Variants in MGAT4C observed in about 807,000 individuals in gnomAD.
The protein encoded by MGAT4C is MGAT4 family member C.
A neutral mutation model predicts 40.1 loss-of-function variants in MGAT4C; 19 were observed. The observed-to-expected ratio is 0.47, with a 90% CI of 0.33 to 0.70. The LOEUF (loss-of-function observed/expected upper bound fraction) is 0.70. Ranked by LOEUF, MGAT4C falls within the 30% of genes least tolerant of loss-of-function variation. The pLI is 0.02. For synonymous variants in MGAT4C, 181 were observed against 187.1 expected (o/e 0.97, Z 0.27); for missense variants, 491 against 563.2 (o/e 0.87, Z 1.30).
rs1555227855 is a variant in MGAT4C at position 86,774,368 on chromosome 12, C to CTCTCTCTT, written c.-261-47128_-261-47127insAAGAGAGA. The stretch of plus-strand genomic sequence containing the variant: ...CTCTCTCTCTCCCCTCTCTCTCTCT[C>CTCTCTCTT]TCTTTCTGTCTGTCTCTCTCTCTCT... On this transcript the variant is annotated intron_variant, in intron 1 of 7. Transcript: ENST00000548651. 5.7e-5 allele frequency among the ~76,000 whole-genome samples: 5 copies of CTCTCTCTT among 87,954 alleles called. No homozygotes were observed. The East Asian group carries it at 1.7e-3, about 30-fold the overall frequency. The allele number at this position is 87,954 out of a possible 152,430, so 57.7% of individuals were successfully genotyped here. A position where few individuals can be genotyped will look rare whatever the true frequency, so the allele number is the denominator to read the frequency against.
Position 86,806,316 on chromosome 12 carries a change from T to C in MGAT4C, c.-262+32350A>G, listed in dbSNP as rs560568186. On this transcript the variant is annotated intron_variant, in intron 1 of 7. Transcript: ENST00000548651. ...ATAGAGAGAAGACCTGTGTACACTTTATCCAGTTTCTCACAATGGTAAAAT... is the reference window on the plus strand; with the variant it reads ...ATAGAGAGAAGACCTGTGTACACTTCATCCAGTTTCTCACAATGGTAAAAT... 4.6e-5 allele frequency among the ~76,000 whole-genome samples: 7 copies of C among 152,096 alleles called. No homozygotes were observed. In the East Asian group the frequency reaches 5.8e-4, roughly 13 times the overall value.
intron 1 of MGAT4C, among the ~76,000 whole-genome samples, chr12:86,162,297 T>A (rs750554471): frequency 7.2e-5 from 11 of 152,142 alleles, no homozygotes; most frequent in Non-Finnish European, 1.5e-4. Flanking sequence ...GTGTACACCA[T>A]GGAACACTAT....
chr12:86,532,143 C>T (rs142231374), intron 2 of MGAT4C, among the ~76,000 whole-genome samples: 155 of 151,956 alleles, frequency 1.0e-3, no homozygotes, highest in African/African-American at 2.9e-3. Flanking sequence ...CTTTAAATGA[C>T]GTTAAGTGGG....
At chr12:86,226,561 A>G (rs1250419652) in intron 1 of MGAT4C, among the ~76,000 whole-genome samples, 1 of 151,916 alleles carries the variant, frequency 6.6e-6, no homozygotes, top group Non-Finnish European at 1.5e-5. Context: ...TTTTACTGAG[A>G]AAATAGGATA....
rs1473227530 is a variant in MGAT4C, at chr12:86,603,489, T to TAG, written c.-229+123719_-229+123720insCT. Among the ~76,000 whole-genome samples the TAG allele has an allele frequency of 1.5e-3, 145 of 97,962 alleles. 1 individual carries two copies. The highest frequency in any genetic ancestry group is 5.1e-3 in the African/African-American group (122 of 24,006). The allele number at this position is 97,962 out of a possible 152,430, so 64.3% of individuals were successfully genotyped here. A position where few individuals can be genotyped will look rare whatever the true frequency, so the allele number is the denominator to read the frequency against. ...TATACTATATATAGTCTATAGACTA[T>TAG]ATAATATATACTATATATAGTCTAT... On this transcript the variant is annotated intron_variant, in intron 2 of 7. Coordinates refer to the MGAT4C transcript ENST00000548651.
intron 2 of MGAT4C, among the ~76,000 whole-genome samples, chr12:86,042,938 C>G (rs1892018915): frequency 6.6e-6 from 1 of 150,624 alleles, no homozygotes; most frequent in Admixed American, 6.6e-5. Context: ...GGGTTTCTGT[C>G]AAAAAGTCTG....
chr12:86,106,653 G>C (rs2135620469), intron 1 of MGAT4C, among the ~76,000 whole-genome samples: 2 of 150,536 alleles, frequency 1.3e-5, no homozygotes, highest in South Asian at 4.2e-4. Flanking sequence ...AGGTGTATAT[G>C]GTCTTTTTTT....
At chr12:86,144,573 T>C (rs1346155790) in intron 1 of MGAT4C, among the ~76,000 whole-genome samples, 1 of 152,224 alleles carries the variant, frequency 6.6e-6, no homozygotes, top group Non-Finnish European at 1.5e-5. Context: ...ATTGTTTCCA[T>C]GAATTACAAC....
chr12:86,487,136 A>G (rs1442533178), intron 2 of MGAT4C, among the ~76,000 whole-genome samples: 1 of 152,186 alleles, frequency 6.6e-6, no homozygotes. Context: ...CAAGCAAATG[A>G]TGATTTCTTG....
Position 85,956,564 on chromosome 12 carries a change from T to C in MGAT4C, c.*22725A>G, listed in dbSNP as rs1439902476. On this transcript the variant is annotated 3_prime_UTR_variant, in exon 5 of 5. Transcript: ENST00000611864. ...AGATCATTTTTTGGATTACATTTAG[T>C]CTTTAGAAAATATTTGATTCAATCA... The C allele has an allele frequency of 6.6e-6, 1 of 152,196 alleles. No individual in the cohort carries two copies. Among genetic ancestry groups the C allele is most frequent in the Non-Finnish European group, 1.5e-5 (1 of 68,030 alleles). 9.4% of individuals were successfully genotyped at this position (152,196 alleles called of 1,614,324 possible). A position where few individuals can be genotyped will look rare whatever the true frequency, so the allele number is the denominator to read the frequency against.
intron 2 of MGAT4C, among the ~76,000 whole-genome samples, chr12:86,688,516 C>A (rs1444215875): frequency 6.6e-6 from 1 of 152,084 alleles, no homozygotes; most frequent in Non-Finnish European, 1.5e-5. Flanking sequence ...GGGTTTCTTT[C>A]AGGAGATCCT....
At chr12:86,617,273 A>C (rs547667457) in intron 2 of MGAT4C, among the ~76,000 whole-genome samples, 6 of 152,144 alleles carry the variant, frequency 3.9e-5, no homozygotes, top group Non-Finnish European at 7.4e-5. Context: ...TAACAATCTA[A>C]CGTTGTCTTC....
chr12:86,600,626 G>A (rs564879762), intron 2 of MGAT4C, among the ~76,000 whole-genome samples: 1 of 152,300 alleles, frequency 6.6e-6, no homozygotes, highest in South Asian at 2.1e-4. Flanking sequence ...TCATCATAAT[G>A]ATGGCAGCAG....
chr12:86,431,533 A>G (rs1056276915), intron 3 of MGAT4C, among the ~76,000 whole-genome samples: 13 of 152,154 alleles, frequency 8.5e-5, no homozygotes, highest in Non-Finnish European at 1.5e-4. Flanking sequence ...TTTCCAATAA[A>G]CCCATTATAA....
At chr12:86,207,455 C>T (rs1165845227) in intron 1 of MGAT4C, among the ~76,000 whole-genome samples, 1 of 151,906 alleles carries the variant, frequency 6.6e-6, no homozygotes, top group Non-Finnish European at 1.5e-5. Flanking sequence ...CTCGACCCCC[C>T]GACAGGCCTT....
chr12:85,979,319 A>C lies in MGAT4C; in HGVS notation c.1407T>G (p.Ile469Met), dbSNP rs1267650464. Residue 469 changes from isoleucine to methionine, a missense_variant, in exon 5 of 5, where the codon ATT (isoleucine) becomes ATG (methionine). Physicochemically the swap from Ile to Met is conservative, Grantham distance 10. Transcript: ENST00000611864. ...YVTKTQKEWLIIRSISIWTS is the reference protein window; with the variant it reads ...YVTKTQKEWLMIRSISIWTS The stretch of plus-strand genomic sequence containing the variant: ...AAGTCCAAATGCTAATACTCCTAAT[A>C]ATTAGCCATTCCTTTTGTGTTTTGG... 1.2e-6 allele frequency: 2 copies of C among 1,606,832 alleles called. No homozygotes were observed. The highest frequency in any genetic ancestry group is 1.7e-5 in the Admixed American group (1 of 59,446).
intron 3 of MGAT4C, among the ~76,000 whole-genome samples, chr12:86,343,117 A>G (rs1954937731): frequency 6.6e-6 from 1 of 152,186 alleles, no homozygotes; most frequent in Admixed American, 6.6e-5. Context: ...CTACCTTTAA[A>G]TTACAACATT....
intron 2 of MGAT4C, among the ~76,000 whole-genome samples, chr12:86,693,915 C>A (rs2136602242): frequency 6.6e-6 from 1 of 152,226 alleles, no homozygotes; most frequent in Admixed American, 6.5e-5. Flanking sequence ...ATACTGTTGT[C>A]TAAATGTCTG....
At chr12:86,149,257 C>A (rs945103866) in intron 1 of MGAT4C, among the ~76,000 whole-genome samples, 48 of 151,818 alleles carry the variant, frequency 3.2e-4, no homozygotes, top group Non-Finnish European at 6.6e-4. Flanking sequence ...GAGTGGTATT[C>A]ATATATTTAG....
Sources: gnomAD v4.1 joint callset for allele counts (sites outside exome capture counted in the v4.1 genomes callset) on GRCh38, gnomAD v4.1.1 for gene constraint, MANE v1.5 for transcripts, NCBI Gene and HGNC (gene_info 2026-07-23, HGNC 2026-07-21) for gene names.